Variants in DIPK1A observed in about 807,000 individuals in gnomAD.
DIPK1A encodes family with sequence similarity 69 member A.
A neutral mutation model predicts 40.8 loss-of-function variants in DIPK1A; 27 were observed. That is an observed-to-expected ratio of 0.66 (90% CI 0.49 to 0.91). The LOEUF (loss-of-function observed/expected upper bound fraction) is 0.91, where lower values mean the gene tolerates loss of function less well. Among genes scored for constraint, DIPK1A ranks in the 40% least tolerant of loss-of-function variants. DIPK1A has a pLI of 0.00. For missense variants in DIPK1A, 412 were observed against 505.7 expected (o/e 0.81, Z 1.78); for synonymous variants, 166 against 171.3 (o/e 0.97, Z 0.24).
chr1:92,878,020 G>C (rs932618409), intron 1 of DIPK1A, among the ~76,000 whole-genome samples: 6 of 152,168 alleles, frequency 3.9e-5, no homozygotes, highest in African/African-American at 1.2e-4. Flanking sequence ...CTTCTTTTCG[G>C]ACTTGCCAAA....
intron 1 of DIPK1A, among the ~76,000 whole-genome samples, chr1:92,958,171 C>T (rs957747054): frequency 2.0e-4 from 30 of 152,190 alleles, no homozygotes; most frequent in African/African-American, 7.2e-4. Flanking sequence ...GAATAGGTGC[C>T]TGCATTAGCT....
intron 1 of DIPK1A, among the ~76,000 whole-genome samples, chr1:92,915,083 CAAAAAAAAAAAAA>C (rs10583235): frequency 1.2e-5 from 1 of 80,080 alleles, no homozygotes; most frequent in Admixed American, 1.4e-4. Context: ...GCAAGACTGT[CAAAAAAAAAAAAA>C]AAAAAAAAAA....
chr1:92,835,318 T>G, intron 4 of DIPK1A: 1 of 311,108 alleles, frequency 3.2e-6, no homozygotes. Flanking sequence ...GGAATCTGTA[T>G]TTTGATAGTA....
chr1:92,907,299 G>T (rs1483262459), intron 1 of DIPK1A, among the ~76,000 whole-genome samples: 1 of 151,996 alleles, frequency 6.6e-6, no homozygotes, highest in Non-Finnish European at 1.5e-5. Context: ...GTTTTATTCT[G>T]CAGTATTGTC....
At chr1:92,837,751 C>A (rs760295365), downstream of DIPK1A, 8 of 794,328 alleles carry the variant, frequency 1.0e-5, no homozygotes, top group Non-Finnish European at 1.7e-5. Context: ...ATGAGCTAGA[C>A]TTGTCAACAT....
At chr1:92,899,745 A>T (rs961742387) in intron 1 of DIPK1A, among the ~76,000 whole-genome samples, 1 of 151,792 alleles carries the variant, frequency 6.6e-6, no homozygotes, top group Non-Finnish European at 1.5e-5. Context: ...TTTACTTTTG[A>T]GTGTTCATCA....
intron 2 of DIPK1A, among the ~76,000 whole-genome samples, chr1:92,868,024 A>T: frequency 6.6e-6 from 1 of 152,198 alleles, no homozygotes; most frequent in Non-Finnish European, 1.5e-5. Context: ...TGTTCAACGG[A>T]TATGTCAGAG....
chr1:92,844,940 C>CTTTTT (rs71094206), intron 4 of DIPK1A, among the ~76,000 whole-genome samples: 13 of 94,060 alleles, frequency 1.4e-4, no homozygotes, highest in Non-Finnish European at 1.8e-4. Flanking sequence ...ATTAGTATTT[C>CTTTTT]TTTTTTTTTT....
At chr1:92,943,478 A>G (rs569851105) in intron 1 of DIPK1A, among the ~76,000 whole-genome samples, 16 of 152,254 alleles carry the variant, frequency 1.1e-4, no homozygotes, top group African/African-American at 3.9e-4. Flanking sequence ...GGAATAATTG[A>G]AGATCTGTAC....
chr1:92,961,074 C>T (rs950703543), intron 1 of DIPK1A, among the ~76,000 whole-genome samples: 2 of 152,066 alleles, frequency 1.3e-5, no homozygotes, highest in African/African-American at 4.8e-5. Flanking sequence ...AGCGCGGGGT[C>T]GTACCCAGGT....
chr1:92,934,960 A>G (rs1650893038), intron 1 of DIPK1A, among the ~76,000 whole-genome samples: 1 of 152,184 alleles, frequency 6.6e-6, no homozygotes. Context: ...GGCACAGATC[A>G]TTTTCATGTC....
intron 2 of DIPK1A, among the ~76,000 whole-genome samples, chr1:92,851,542 C>CAAAAAAAAGA (rs374440981): frequency 2.9e-5 from 1 of 34,766 alleles, no homozygotes; most frequent in East Asian, 1.3e-3. Context: ...GACCCTATCT[C>CAAAAAAAAGA]AAAAAAAAAA....
At chr1:92,946,091 G>A (rs1338336828) in intron 1 of DIPK1A, among the ~76,000 whole-genome samples, 3 of 152,162 alleles carry the variant, frequency 2.0e-5, no homozygotes, top group African/African-American at 7.2e-5. Context: ...CTTCTGGGAA[G>A]GGACAAATCC....
At chr1:92,834,226 AGGT>A (rs1687029791) in intron 4 of DIPK1A, among the ~76,000 whole-genome samples, 2 of 152,338 alleles carry the variant, frequency 1.3e-5, no homozygotes, top group Admixed American at 1.3e-4. Flanking sequence ...ACCACTGAAA[AGGT>A]AGTTGTGAAT....
intron 1 of DIPK1A, among the ~76,000 whole-genome samples, chr1:92,935,713 T>C: frequency 6.6e-6 from 1 of 151,980 alleles, no homozygotes; most frequent in East Asian, 1.9e-4. Context: ...CCTTATTATA[T>C]TATAACGTGT....
At chr1:92,852,708 A>G (rs374050284) in intron 2 of DIPK1A, among the ~76,000 whole-genome samples, 18 of 152,120 alleles carry the variant, frequency 1.2e-4, no homozygotes, top group African/African-American at 4.3e-4. Context: ...CACATTATAA[A>G]TGAGGGGAAA....
intron 1 of DIPK1A, among the ~76,000 whole-genome samples, chr1:92,910,538 T>G (rs577419040): frequency 5.2e-4 from 79 of 152,228 alleles, no homozygotes; most frequent in East Asian, 7.7e-4. Flanking sequence ...CCAACAATAG[T>G]GCCAGTGACT....
At chr1:92,960,013 C>T (rs780648780) in intron 1 of DIPK1A, among the ~76,000 whole-genome samples, 2 of 150,238 alleles carry the variant, frequency 1.3e-5, no homozygotes, top group Non-Finnish European at 3.0e-5. Context: ...GCCTCGGCCT[C>T]CCAAGTGCCG....
chr1:92,854,075 T>G (rs899852210), intron 2 of DIPK1A, among the ~76,000 whole-genome samples: 1 of 152,098 alleles, frequency 6.6e-6, no homozygotes, highest in Non-Finnish European at 1.5e-5. Flanking sequence ...TTTGTAGAGA[T>G]GGGGTTTCAC....
Sources: allele counts gnomAD v4.1 joint callset (sites outside exome capture counted in the v4.1 genomes callset), GRCh38; gene constraint gnomAD v4.1.1; transcripts MANE v1.5; gene names NCBI Gene and HGNC (gene_info 2026-07-23, HGNC 2026-07-21).